ZNF728: variants seen among roughly 807,000 people sequenced by gnomAD.
ZNF728 encodes the protein zinc finger protein 728.
ZNF728 carries 12 observed loss-of-function variants against 12.5 expected under a neutral mutation model. The ratio of observed to expected loss-of-function variants is 0.96; its 90% CI spans 0.61 to 1.55. The LOEUF (loss-of-function observed/expected upper bound fraction) is 1.55, where lower values mean the gene tolerates loss of function less well. Ranked by LOEUF, ZNF728 falls within the 40% of genes most tolerant of loss-of-function variation. The probability of loss-of-function intolerance (pLI) is 0.00; values close to 1 mark genes in which losing one functional copy is unlikely to be tolerated. For missense variants in ZNF728, 692 were observed against 719.2 expected (o/e 0.96, Z 0.43); for synonymous variants, 205 against 240.7 (o/e 0.85, Z 1.37).
intron 1 of ZNF728, among the ~76,000 whole-genome samples, chr19:22,993,584 C>T (rs112186708): frequency 0.021 from 3,229 of 152,120 alleles, 73 homozygotes; most frequent in East Asian, 0.12. Context: ...ATTAGCAGCA[C>T]TTACAAGTGG....
intron 1 of ZNF728, among the ~76,000 whole-genome samples, chr19:22,999,672 C>G (rs187282053): frequency 3.8e-4 from 58 of 152,206 alleles, no homozygotes; most frequent in African/African-American, 1.4e-3. Flanking sequence ...TTTTAAGGTG[C>G]TTACATTTTG....
At chr19:23,002,944 G>A in intron 1 of ZNF728, 84 bp downstream of exon 1, 2 of 1,544,076 alleles carry the variant, frequency 1.3e-6, no homozygotes, top group Non-Finnish European at 1.8e-6. Context: ...ACTGAGAGGA[G>A]GCCTGAGTCC....
chr19:22,977,306 T>TAA (rs773139538), intron 3 of ZNF728, among the ~76,000 whole-genome samples, 196 bp from the exon 4 acceptor site: 49 of 152,204 alleles, frequency 3.2e-4, no homozygotes, highest in African/African-American at 1.2e-3. Flanking sequence ...ATACATGAGT[T>TAA]AAGTGTGTAC....
At chr19:23,000,161 G>A (rs1294801682) in intron 1 of ZNF728, among the ~76,000 whole-genome samples, 1 of 151,904 alleles carries the variant, frequency 6.6e-6, no homozygotes, top group Non-Finnish European at 1.5e-5. Context: ...GAGGTCAGGA[G>A]ATCGAGACCA....
At chr19:23,002,296 CAG>C (rs1291728315) in intron 1 of ZNF728, among the ~76,000 whole-genome samples, 1 of 152,206 alleles carries the variant, frequency 6.6e-6, no homozygotes, top group Admixed American at 6.5e-5. Context: ...GCCAGGGCGA[CAG>C]AGTGAGACTT....
intron 1 of ZNF728, among the ~76,000 whole-genome samples, chr19:22,994,004 A>G (rs1470665977): frequency 6.6e-6 from 1 of 152,164 alleles, no homozygotes; most frequent in African/African-American, 2.4e-5. Flanking sequence ...ATTTGTGGGC[A>G]TTTTAGCATG....
At position 22,987,339 on chromosome 19, in the gene ZNF728, C is replaced by A. The variant is rs267605394; in HGVS notation, c.195G>T (p.Met65Ile). ...FLEQGKEPWN[M>I]KRHELVKEPP... Reference sequence around the variant, plus strand: ...GTTCTTTCACCAGCTCATGTCTCTTCATATTCCAGGGCTCTTTTCCTTGCT... The same window carrying A: ...GTTCTTTCACCAGCTCATGTCTCTTAATATTCCAGGGCTCTTTTCCTTGCT... The change falls in exon 3 of 4, where the codon ATG becomes ATT. Residue 65 changes from methionine to isoleucine, a missense_variant. Coordinates refer to ENST00000594710, the MANE Select transcript of ZNF728 (RefSeq NM_001267716.2). The A allele has an allele frequency of 1.9e-6, 3 of 1,612,574 alleles. No individual in the cohort carries two copies. The African/African-American group carries it at 4.0e-5, about 22-fold the overall frequency.
Position 22,975,994 on chromosome 19 carries a change from C to T in ZNF728, c.1343G>A (p.Gly448Glu), listed in dbSNP as rs1437618922. Residue 448 changes from glycine (G) to glutamate (E), a missense_variant, in exon 4 of 4, where the codon GGA becomes GAA. Coordinates refer to ENST00000594710, the MANE Select transcript of ZNF728 (RefSeq NM_001267716.2). ...TTCTTCACATTTGTAGTGTTTCTCT[C>T]CAGTATGAATTACTTTATGTTTAGT... ...SLTKHKVIHT[G>E]EKHYKCEECG... 1 of 1,612,610 alleles carries T rather than the reference C, an allele frequency of 6.2e-7. No individual in the cohort carries two copies. Among genetic ancestry groups the T allele is most frequent in the East Asian group, 2.2e-5 (1 of 44,780 alleles).
At chr19:22,998,001 CCATT>C (rs2145354475) in intron 1 of ZNF728, among the ~76,000 whole-genome samples, 1 of 152,012 alleles carries the variant, frequency 6.6e-6, no homozygotes, top group Non-Finnish European at 1.5e-5. Context: ...GTGAGAACGG[CCATT>C]ATTATAATTC....
Position 22,989,219 on chromosome 19 carries a change from T to G in ZNF728, c.4-768A>C, listed in dbSNP as rs192042171. Among the ~76,000 whole-genome samples, 655 of 150,310 alleles carry G rather than the reference T, an allele frequency of 4.4e-3. 4 individuals are homozygous for G. Among genetic ancestry groups the G allele is most frequent in the Non-Finnish European group, 6.3e-3 (423 of 67,552 alleles). ...AGATCCCATTAATGCAGATTATTAT[T>G]TTTTTTTTTCAGAACATCAGGGATA... On this transcript the variant is annotated intron_variant, in intron 1 of 3. Transcript: ENST00000594710.
At chr19:22,995,868 G>A (rs1481386711) in intron 1 of ZNF728, 1 of 152,158 alleles carries the variant, frequency 6.6e-6, no homozygotes, top group African/African-American at 2.4e-5. Flanking sequence ...ATTGAAATCT[G>A]TGTTAATATA....
rs979297493 is a variant in ZNF728, at chr19:23,002,935, C to G, written c.3+93G>C. 4.0e-6 allele frequency: 6 copies of G among 1,515,430 alleles called. No individual in the cohort carries two copies. In the African/African-American group the frequency reaches 8.4e-5, roughly 21 times the overall value. 93.9% of individuals were successfully genotyped at this position (1,515,430 alleles called of 1,614,324 possible). On this transcript the variant is annotated intron_variant, in intron 1 of 3. Transcript: ENST00000594710. ...CACGGGGCACAGATTGTGGAGCTGA[C>G]TGAGAGGAGGCCTGAGTCCCGCCAC...
At chr19:22,997,011 A>G (rs1262253780) in intron 1 of ZNF728, among the ~76,000 whole-genome samples, 1 of 152,186 alleles carries the variant, frequency 6.6e-6, no homozygotes, top group Non-Finnish European at 1.5e-5. Context: ...GAATAAAGCA[A>G]GTTCTTAGAG....
At chr19:22,994,174 G>A (rs1340723793) in intron 1 of ZNF728, among the ~76,000 whole-genome samples, 1 of 152,142 alleles carries the variant, frequency 6.6e-6, no homozygotes, top group African/African-American at 2.4e-5. Context: ...GAAGTCTGTA[G>A]AAATCTGGTC....
At chr19:23,001,205 G>C (rs1969110640) in intron 1 of ZNF728, among the ~76,000 whole-genome samples, 1 of 152,194 alleles carries the variant, frequency 6.6e-6, no homozygotes, top group Non-Finnish European at 1.5e-5. Context: ...TCCCCTAAGA[G>C]AATGCAGGGG....
At chr19:22,980,996 C>G (rs1205608355) in intron 3 of ZNF728, among the ~76,000 whole-genome samples, 1 of 151,604 alleles carries the variant, frequency 6.6e-6, no homozygotes, top group East Asian at 1.9e-4. Context: ...AATTCAAACC[C>G]TAGCAGAAGA....
At chr19:22,983,979 A>G (rs1968887582) in intron 3 of ZNF728, among the ~76,000 whole-genome samples, 1 of 152,140 alleles carries the variant, frequency 6.6e-6, no homozygotes, top group Non-Finnish European at 1.5e-5. Context: ...CGTTCTGCAC[A>G]TGTGCCCCAG....
Position 22,976,796 on chromosome 19 carries a change from A to T in ZNF728, c.541T>A (p.Ser181Thr). ...GATAGGTGTGAAAGCATGCAAAATGATCTGACATATTCTTTACATTTCAAA... is the reference window on the plus strand; with the variant it reads ...GATAGGTGTGAAAGCATGCAAAATGTTCTGACATATTCTTTACATTTCAAA... ...KLLKCKEYVR[S>T]FCMLSHLSQH... is the part of the protein sequence containing the mutation. The change falls in exon 4 of 4, where the codon TCA becomes ACA. Residue 181 changes from serine to threonine, a missense_variant. Ser to Thr is a moderately conservative substitution (Grantham distance 58). Coordinates refer to ENST00000594710, the MANE Select transcript of ZNF728 (RefSeq NM_001267716.2). 5 of 1,613,500 alleles carry T rather than the reference A, an allele frequency of 3.1e-6. No individual in the cohort carries two copies. The highest frequency in any genetic ancestry group is 4.2e-6 in the Non-Finnish European group (5 of 1,179,844).
intron 1 of ZNF728, among the ~76,000 whole-genome samples, chr19:23,000,487 T>A (rs1280373160): frequency 6.6e-6 from 1 of 152,142 alleles, no homozygotes; most frequent in Non-Finnish European, 1.5e-5. Context: ...CAGATATTAT[T>A]TTCTGAAACT....
Sources: allele counts gnomAD v4.1 joint callset (sites outside exome capture counted in the v4.1 genomes callset), GRCh38; gene constraint gnomAD v4.1.1; transcripts MANE v1.5; gene names NCBI Gene and HGNC (gene_info 2026-07-23, HGNC 2026-07-21).